ANKRD36C: variants seen among roughly 807,000 people sequenced by gnomAD.
ANKRD36C encodes ankyrin repeat domain-containing protein 36C.
Under a neutral mutation model 276.4 loss-of-function variants are expected in ANKRD36C, and 61 were observed. The observed-to-expected ratio is 0.22, with a 90% CI of 0.18 to 0.27. ANKRD36C has a LOEUF of 0.27. Ranked by LOEUF, ANKRD36C falls within the 10% of genes least tolerant of loss-of-function variation. The pLI is 1.00. For synonymous variants in ANKRD36C, 483 were observed against 680.1 expected (o/e 0.71, Z 4.51); for missense variants, 1,447 against 2,032.3 (o/e 0.71, Z 5.54).
chr2:95,889,664 T>C (rs1676287333), intron 48 of ANKRD36C, 135 bp downstream of exon 68: 2 of 1,283,934 alleles, frequency 1.6e-6, no homozygotes, highest in South Asian at 1.4e-5. Flanking sequence ...CCTGAGAACT[T>C]ATTACAAATG....
chr2:95,962,936 G>A (rs1279331239), intron 6 of ANKRD36C, among the ~76,000 whole-genome samples: 6 of 151,976 alleles, frequency 3.9e-5, no homozygotes, highest in Non-Finnish European at 5.9e-5. Context: ...TGCAAGAGAT[G>A]AGAAGGAAAT....
At chr2:95,944,500 A>G (rs1041105328) in intron 19 of ANKRD36C, 127 bp downstream of exon 19, 4 of 1,005,106 alleles carry the variant, frequency 4.0e-6, no homozygotes, top group African/African-American at 1.6e-5. Flanking sequence ...AAGCATGGGA[A>G]AACTATTTTC....
At chr2:95,965,690 G>T (rs1289394177) in intron 6 of ANKRD36C, among the ~76,000 whole-genome samples, 1 of 152,028 alleles carries the variant, frequency 6.6e-6, no homozygotes, top group Admixed American at 6.6e-5. Context: ...CATGAAGAGA[G>T]CATAATTAAA....
At chr2:95,955,822 G>A (rs1678313709) in intron 13 of ANKRD36C, among the ~76,000 whole-genome samples, 1 of 152,150 alleles carries the variant, frequency 6.6e-6, no homozygotes, top group Non-Finnish European at 1.5e-5. Flanking sequence ...AAGGATTCAA[G>A]CACTAGAGGA....
intron 58 of ANKRD36C, among the ~76,000 whole-genome samples, chr2:95,878,895 G>C (rs114333780): frequency 0.01 from 1,529 of 151,528 alleles, 10 homozygotes; most frequent in Middle Eastern, 0.014. Context: ...ATGGAGAACA[G>C]TATAGAGTCC....
chr2:95,911,427 A>T (rs577433486), intron 42 of ANKRD36C, among the ~76,000 whole-genome samples: 9 of 151,262 alleles, frequency 5.9e-5, no homozygotes, highest in Non-Finnish European at 1.2e-4. Context: ...TAGCCTTGTT[A>T]GGAGTATCAT....
intron 56 of ANKRD36C, 137 bp from the exon 77 acceptor site, chr2:95,880,760 T>C: frequency 9.0e-7 from 1 of 1,105,528 alleles, no homozygotes; most frequent in Non-Finnish European, 1.3e-6. Context: ...AGTTTGTTTC[T>C]TTGGGACAGT....
chr2:95,907,742 G>C (rs1573754981), intron 42 of ANKRD36C, among the ~76,000 whole-genome samples: 1 of 149,010 alleles, frequency 6.7e-6, no homozygotes, highest in African/African-American at 2.5e-5. Context: ...CCAAGAGGTA[G>C]CTCCTTGAAC....
chr2:95,943,274 G>A (rs992279934), intron 19 of ANKRD36C, among the ~76,000 whole-genome samples: 6 of 152,294 alleles, frequency 3.9e-5, no homozygotes, highest in African/African-American at 1.4e-4. Context: ...ACGAGGTCAG[G>A]AGATCGAGAC....
chr2:95,857,447 C>G (rs1300746146), exon 62 of ANKRD36C: 4 of 1,585,442 alleles, frequency 2.5e-6, no homozygotes, highest in East Asian at 2.2e-5. Flanking sequence ...TTTGGTGCAA[C>G]TCTTCAACAT....
At chr2:95,913,187 A>T (rs1403388155) in intron 40 of ANKRD36C, among the ~76,000 whole-genome samples, 1 of 149,604 alleles carries the variant, frequency 6.7e-6, no homozygotes, top group Non-Finnish European at 1.5e-5. Flanking sequence ...CAAGCATTAG[A>T]TATTAATCAG....
intron 42 of ANKRD36C, chr2:95,910,546 G>C: frequency 6.2e-7 from 1 of 1,606,716 alleles, no homozygotes. Context: ...TTACCTTCAA[G>C]GCTGGTGGTT....
intron 1 of ANKRD36C, among the ~76,000 whole-genome samples, chr2:95,989,439 C>G (rs1259924449): frequency 6.6e-6 from 1 of 151,974 alleles, no homozygotes; most frequent in Non-Finnish European, 1.5e-5. Context: ...TATAATCAAA[C>G]CAACTTTTTT....
intron 44 of ANKRD36C, among the ~76,000 whole-genome samples, chr2:95,892,226 A>T (rs550204217): frequency 3.3e-5 from 5 of 151,640 alleles, no homozygotes; most frequent in South Asian, 4.1e-4. Flanking sequence ...ATGATCCCAC[A>T]TGTCTTTCAT....
At chr2:95,891,462 G>A (rs1462780199) in intron 46 of ANKRD36C, among the ~76,000 whole-genome samples, 1 of 151,410 alleles carries the variant, frequency 6.6e-6, no homozygotes, top group Non-Finnish European at 1.5e-5. Flanking sequence ...CTTTCAATGG[G>A]GGGAAGTGTA....
chr2:95,941,770 G>A (rs1488134210), intron 19 of ANKRD36C, among the ~76,000 whole-genome samples: 2 of 152,254 alleles, frequency 1.3e-5, no homozygotes, highest in African/African-American at 4.8e-5. Flanking sequence ...AAGTAAACAT[G>A]TTTAAGAAAG....
At position 95,919,495 on chromosome 2, in the gene ANKRD36C, T is replaced by A. The variant is rs1369355064; in HGVS notation, c.2246-1453A>T. ...TTATGTCTTGAACTGCTCTCCCTAT[T>A]TCTTCTTCCCAATTTCAATGTGGGA... On this transcript the variant is annotated intron_variant, in intron 34 of 66. Coordinates refer to ENST00000456556, the Ensembl canonical transcript of ANKRD36C. Among the ~76,000 whole-genome samples, 9 of 133,116 alleles carry A rather than the reference T, an allele frequency of 6.8e-5. 3 individuals are homozygous for A. The highest frequency in any genetic ancestry group is 6.4e-4 in the Admixed American group (8 of 12,554). The allele number at this position is 133,116 out of a possible 152,430, so 87.3% of individuals were successfully genotyped here. A position where few individuals can be genotyped will look rare whatever the true frequency, so the allele number is the denominator to read the frequency against.
chr2:95,886,206 GT>G lies in ANKRD36C; in HGVS notation c.3090+9del. 7.9e-7 allele frequency: 1 copy of G among 1,264,986 alleles called. No individual in the cohort carries two copies. Among genetic ancestry groups the G allele is most frequent in the Middle Eastern group, 2.3e-4 (1 of 4,378 alleles). 78.4% of individuals were successfully genotyped at this position (1,264,986 alleles called of 1,614,324 possible). ...TTAATAGTTCAAAATATATATGAGT[GT>G]TTAATTACCTTCCAGGCCAGTTGTT... is the stretch of plus-strand genomic sequence containing the variant. On this transcript the variant is annotated intron_variant, in intron 51 of 66. Coordinates refer to ENST00000456556, the Ensembl canonical transcript of ANKRD36C.
rs537157864 is a variant in ANKRD36C at position 95,853,232 on chromosome 2, A to C, written c.5148+477T>G. Reference sequence around the variant, plus strand: ...GAACAAATTAACCTGAAATCTATGAAATAAGTATACACAGGTTCTTTATAC... The same window carrying C: ...GAACAAATTAACCTGAAATCTATGACATAAGTATACACAGGTTCTTTATAC... On this transcript the variant is annotated intron_variant, in intron 64 of 66. Coordinates refer to ENST00000456556, the Ensembl canonical transcript of ANKRD36C. 238 of 153,704 alleles carry C rather than the reference A, an allele frequency of 1.5e-3. 1 individual carries two copies. Among genetic ancestry groups the C allele is most frequent in the Non-Finnish European group, 2.8e-3 (196 of 69,024 alleles). The allele number at this position is 153,704 out of a possible 1,614,324, so 9.5% of individuals were successfully genotyped here.
Sources: allele counts gnomAD v4.1 joint callset (sites outside exome capture counted in the v4.1 genomes callset), GRCh38; gene constraint gnomAD v4.1.1; transcripts MANE v1.5; gene names NCBI Gene and HGNC (gene_info 2026-07-23, HGNC 2026-07-21).